The following MSR1 variants were observed in gnomAD, a reference collection of about 807,000 sequenced individuals.
MSR1 encodes the protein macrophage scavenger receptor types I and II.
Under a neutral mutation model 47.2 loss-of-function variants are expected in MSR1, and 53 were observed. That is an observed-to-expected ratio of 1.12 (90% CI 0.90 to 1.41). MSR1 has a LOEUF of 1.41. Ranked by LOEUF, MSR1 falls within the 40% of genes most tolerant of loss-of-function variation. The pLI is 0.00. For missense variants in MSR1, 786 were observed against 546.9 expected (o/e 1.44, Z -4.36); for synonymous variants, 239 against 185.6 (o/e 1.29, Z -2.34).
rs1438562319 is a variant in MSR1 at position 16,108,346 on chromosome 8, C to T, written c.*1739G>A. On this transcript the variant is annotated 3_prime_UTR_variant, in exon 10 of 10. Coordinates refer to ENST00000262101, the MANE Select transcript of MSR1 (RefSeq NM_138715.3). ...TAACAGTTAACACTAATAGTTAATA[C>T]TATTGACAACCCATAGGCACTGATT... 1.3e-5 allele frequency: 2 copies of T among 150,558 alleles called. No homozygotes were observed. The highest frequency in any genetic ancestry group is 3.0e-5 in the Non-Finnish European group (2 of 67,618). The allele number at this position is 150,558 out of a possible 1,614,324, so 9.3% of individuals were successfully genotyped here.
At chr8:16,158,503 G>T (rs351575) in intron 5 of MSR1, among the ~76,000 whole-genome samples, 25,393 of 151,792 alleles carry the variant, frequency 0.17, 3,618 homozygotes, top group East Asian at 0.43. Flanking sequence ...TTTCCAGAGC[G>T]ATGCTTCTCT....
intron 9 of MSR1, among the ~76,000 whole-genome samples, chr8:16,113,753 A>G (rs933211731): frequency 6.6e-6 from 1 of 152,168 alleles, no homozygotes; most frequent in East Asian, 1.9e-4. Context: ...ATTTCATGAT[A>G]CTAAGATTCT....
Position 16,107,946 on chromosome 8 carries a change from T to C in MSR1, c.*2139A>G, listed in dbSNP as rs1239096773. 1 of 151,954 alleles carries C rather than the reference T, an allele frequency of 6.6e-6. No homozygotes were observed. Among genetic ancestry groups the C allele is most frequent in the African/African-American group, 2.4e-5 (1 of 41,400 alleles). The allele number at this position is 151,954 out of a possible 1,614,324, so 9.4% of individuals were successfully genotyped here. On this transcript the variant is annotated 3_prime_UTR_variant, in exon 10 of 10. Transcript: ENST00000262101. ...ATTCCAAAGTAAATTAAGTCCTCAA[T>C]TTGTATTGGTGCTATTAGGTTCTTT... is the stretch of plus-strand genomic sequence containing the variant.
chr8:16,163,276 T>C (rs1042795439), intron 5 of MSR1, among the ~76,000 whole-genome samples: 6 of 151,666 alleles, frequency 4.0e-5, no homozygotes, highest in African/African-American at 1.5e-4. Flanking sequence ...TGGAAATAAA[T>C]ACAGTGCAAA....
At chr8:16,123,531 T>G (rs945039306) in intron 8 of MSR1, among the ~76,000 whole-genome samples, 1 of 152,036 alleles carries the variant, frequency 6.6e-6, no homozygotes, top group African/African-American at 2.4e-5. Flanking sequence ...GGCTTTTTTT[T>G]TTTCCATTTG....
At chr8:16,158,406 C>A (rs963349122) in intron 5 of MSR1, among the ~76,000 whole-genome samples, 1 of 151,884 alleles carries the variant, frequency 6.6e-6, no homozygotes, top group Non-Finnish European at 1.5e-5. Flanking sequence ...AACAAAATTA[C>A]ACAATTTACT....
At chr8:16,150,861 C>CACACAG (rs1307384789) in intron 6 of MSR1, among the ~76,000 whole-genome samples, 2,382 of 150,926 alleles carry the variant, frequency 0.016, 70 homozygotes, top group African/African-American at 0.054. Flanking sequence ...AACACACACA[C>CACACAG]ACACACACAC....
chr8:16,110,359 A>G (rs1353992415), intron 9 of MSR1, 141 bp from the exon 10 acceptor site: 4 of 912,610 alleles, frequency 4.4e-6, no homozygotes, highest in Non-Finnish European at 6.9e-6. Context: ...GCTCTCTAGT[A>G]GGAATCAAAA....
intron 7 of MSR1, among the ~76,000 whole-genome samples, chr8:16,144,082 A>G (rs1326332801): frequency 6.6e-6 from 1 of 152,026 alleles, no homozygotes; most frequent in Non-Finnish European, 1.5e-5. Flanking sequence ...ATTCTTACTC[A>G]TGGGGAAGGT....
chr8:16,155,194 T>C (rs758872776), intron 5 of MSR1, 50 bp from the exon 6 acceptor site: 14 of 1,405,226 alleles, frequency 1.0e-5, no homozygotes, highest in Non-Finnish European at 1.3e-5. Context: ...ATAGGAAAAA[T>C]GGGTTAGTCA....
At chr8:16,175,033 G>C (rs1004053070) in intron 3 of MSR1, among the ~76,000 whole-genome samples, 154 bp downstream of exon 3, 5 of 151,910 alleles carry the variant, frequency 3.3e-5, no homozygotes, top group African/African-American at 1.2e-4. Context: ...TGCGGAATCT[G>C]TTTTTTAACT....
At chr8:16,163,955 C>T (rs930555365) in intron 5 of MSR1, 110 bp downstream of exon 5, 2 of 870,238 alleles carry the variant, frequency 2.3e-6, no homozygotes, top group Non-Finnish European at 3.3e-6. Context: ...TAAATGTAAG[C>T]TCAGAAACTA....
intron 5 of MSR1, among the ~76,000 whole-genome samples, chr8:16,163,385 T>G (rs969909171): frequency 6.6e-6 from 1 of 150,982 alleles, no homozygotes; most frequent in African/African-American, 2.4e-5. Context: ...AAGGTTGCAA[T>G]CAAAATATAG....
At chr8:16,118,528 A>G (rs1333508810) in intron 9 of MSR1, among the ~76,000 whole-genome samples, 1 of 152,088 alleles carries the variant, frequency 6.6e-6, no homozygotes, top group Admixed American at 6.6e-5. Flanking sequence ...AATATACAAA[A>G]ACTAGCCAGG....
intron 8 of MSR1, chr8:16,121,170 G>T (rs1350714396): frequency 2.3e-6 from 1 of 426,888 alleles, no homozygotes; most frequent in South Asian, 1.7e-5. Flanking sequence ...TTGTTGTGAG[G>T]TTCCTGGATT....
At chr8:16,186,033 C>A (rs1320998615) in intron 1 of MSR1, 2 of 784,080 alleles carry the variant, frequency 2.6e-6, no homozygotes, top group Non-Finnish European at 4.0e-6. Flanking sequence ...CCATAACCTG[C>A]CACATAGAAT....
intron 1 of MSR1, among the ~76,000 whole-genome samples, chr8:16,182,641 C>T (rs1200279156): frequency 6.6e-6 from 1 of 151,552 alleles, no homozygotes; most frequent in Non-Finnish European, 1.5e-5. Context: ...CCTAGGCCTA[C>T]ACAGGGTCAG....
At chr8:16,141,829 A>C (rs2117110256) in intron 8 of MSR1, among the ~76,000 whole-genome samples, 1 of 152,354 alleles carries the variant, frequency 6.6e-6, no homozygotes, top group African/African-American at 2.4e-5. Flanking sequence ...AAAATAAAAA[A>C]AAAATAGTTT....
chr8:16,147,407 A>G (rs1343000315), intron 7 of MSR1, among the ~76,000 whole-genome samples: 2 of 152,072 alleles, frequency 1.3e-5, no homozygotes, highest in Non-Finnish European at 2.9e-5. Context: ...TGTGGGAGGG[A>G]GAATAGAAGA....
Sources: allele counts gnomAD v4.1 joint callset (sites outside exome capture counted in the v4.1 genomes callset), GRCh38; gene constraint gnomAD v4.1.1; transcripts MANE v1.5; gene names NCBI Gene and HGNC (gene_info 2026-07-23, HGNC 2026-07-21).